PCDH15: variants seen among roughly 807,000 people sequenced by gnomAD.
The protein encoded by PCDH15 is protocadherin-15.
PCDH15 carries 129 observed loss-of-function variants against 178.5 expected under a neutral mutation model. That is an observed-to-expected ratio of 0.72 (90% CI 0.63 to 0.84). The LOEUF (loss-of-function observed/expected upper bound fraction) is 0.84, where lower values mean the gene tolerates loss of function less well. Among genes scored for constraint, PCDH15 ranks in the 40% least tolerant of loss-of-function variants. The pLI, the probability that PCDH15 is intolerant of heterozygous loss-of-function variation, is 0.00. For missense variants in PCDH15, 2,230 were observed against 2,099.9 expected (o/e 1.06, Z -1.21); for synonymous variants, 800 against 732.0 (o/e 1.09, Z -1.50).
chr10:55,006,938 G>A (rs1208316925), intron 2 of PCDH15, among the ~76,000 whole-genome samples: 3 of 152,060 alleles, frequency 2.0e-5, no homozygotes, highest in African/African-American at 7.2e-5. Context: ...GAATCATGGG[G>A]GAAGATCCTT....
chr10:55,049,939 C>T (rs1841116039), intron 2 of PCDH15, among the ~76,000 whole-genome samples: 1 of 151,842 alleles, frequency 6.6e-6, no homozygotes, highest in Non-Finnish European at 1.5e-5. Flanking sequence ...TCTATCACTC[C>T]CTTTGATTTT....
At chr10:54,409,258 C>T (rs1953133599) in intron 3 of PCDH15, among the ~76,000 whole-genome samples, 1 of 152,086 alleles carries the variant, frequency 6.6e-6, no homozygotes, top group African/African-American at 2.4e-5. Context: ...TGAAAATGGC[C>T]AAATATACTA....
In PCDH15 at chr10:54,020,212, T is replaced by C. The variant is rs887302573; in HGVS notation, c.2731A>G (p.Thr911Ala). ...CTTACCTTTACAATCACTGTGACAG[T>C]AGCAATACCAGGTGGCATTGTTCCA... is the stretch of plus-strand genomic sequence containing the variant. ...IYGTMPPGIA[T>A]VTVIVKDMND... Residue 911 changes from threonine (T) to alanine (A), a missense_variant, in exon 20 of 38, where the codon ACT (threonine) becomes GCT (alanine). Thr to Ala is a moderately conservative substitution (Grantham distance 58). Coordinates refer to ENST00000644397, the MANE Select transcript of PCDH15 (RefSeq NM_001384140.1). The C allele has an allele frequency of 2.5e-6, 4 of 1,613,332 alleles. No individual in the cohort carries two copies. The highest frequency in any genetic ancestry group is 2.7e-5 in the African/African-American group (2 of 74,872).
intron 18 of PCDH15, among the ~76,000 whole-genome samples, chr10:54,037,645 C>T (rs375868361): frequency 3.3e-5 from 5 of 151,908 alleles, no homozygotes; most frequent in Admixed American, 6.6e-5. Context: ...TTATGTGACT[C>T]GCTTTGTTGC....
Position 54,506,844 on chromosome 10 carries a change from T to C in PCDH15, c.157+20968A>G, listed in dbSNP as rs567896321. Reference sequence around the variant, plus strand: ...AATTTTCTGTGTTTATTCTATTGACTGTGTGAAGGTACCAGGACAGAATAA... The same window carrying C: ...AATTTTCTGTGTTTATTCTATTGACCGTGTGAAGGTACCAGGACAGAATAA... On this transcript the variant is annotated intron_variant, in intron 3 of 37. Transcript: ENST00000644397. Among the ~76,000 whole-genome samples, 9 of 152,166 alleles carry C rather than the reference T, an allele frequency of 5.9e-5. No homozygotes were observed. In the East Asian group the frequency reaches 1.7e-3, roughly 29 times the overall value.
intron 2 of PCDH15, among the ~76,000 whole-genome samples, chr10:55,396,959 C>A (rs997455759): frequency 1.3e-5 from 2 of 152,106 alleles, no homozygotes; most frequent in African/African-American, 4.8e-5. Context: ...CAGGCTGGCA[C>A]TGAAAAAGGT....
At chr10:54,303,332 C>T (rs1591685664) in intron 8 of PCDH15, among the ~76,000 whole-genome samples, 1 of 151,904 alleles carries the variant, frequency 6.6e-6, no homozygotes, top group Non-Finnish European at 1.5e-5. Flanking sequence ...TTTATATGTC[C>T]TAAGAGGGTT....
At chr10:54,057,817 G>A (rs7092576) in intron 18 of PCDH15, among the ~76,000 whole-genome samples, 91,971 of 151,920 alleles carry the variant, frequency 0.61, 28,032 homozygotes, top group Middle Eastern at 0.75. Context: ...TTCCTCTTGA[G>A]CACTTTGCCA....
intron 2 of PCDH15, among the ~76,000 whole-genome samples, chr10:55,448,968 T>C (rs1239058261): frequency 1.3e-5 from 2 of 152,076 alleles, no homozygotes; most frequent in African/African-American, 4.8e-5. Context: ...TCATCTTAAG[T>C]AGACAATCAT....
intron 3 of PCDH15, among the ~76,000 whole-genome samples, chr10:54,480,643 T>C (rs890954845): frequency 5.3e-5 from 8 of 152,166 alleles, no homozygotes; most frequent in Non-Finnish European, 8.8e-5. Flanking sequence ...TGAAAGTGGA[T>C]GCTCTTAGTT....
At chr10:55,578,057 A>G (rs911376675) in intron 2 of PCDH15, among the ~76,000 whole-genome samples, 2 of 152,122 alleles carry the variant, frequency 1.3e-5, no homozygotes, top group African/African-American at 4.8e-5. Context: ...TAACCTTAAG[A>G]ACCAAAACAG....
rs139608208 is a variant in PCDH15, at chr10:55,187,181, C to T, written c.-155-20530G>A. Among the ~76,000 whole-genome samples, 52 of 151,932 alleles carry T rather than the reference C, an allele frequency of 3.4e-4. 2 individuals are homozygous for T. In the East Asian group the frequency reaches 6.6e-3, roughly 19 times the overall value. ...CAAAGAGGAGATAAGTTCATACTCA[C>T]GTAATATTTCATTAAGAGCTTTAAA... On this transcript the variant is annotated intron_variant, in intron 1 of 5. Coordinates refer to the PCDH15 transcript ENST00000458638.
intron 2 of PCDH15, among the ~76,000 whole-genome samples, chr10:55,060,575 A>G (rs1447848265): frequency 6.6e-6 from 1 of 152,046 alleles, no homozygotes; most frequent in Non-Finnish European, 1.5e-5. Context: ...AGAAATATAT[A>G]GATAATTCAT....
At chr10:55,209,354 A>C (rs1840497565) in intron 1 of PCDH15, among the ~76,000 whole-genome samples, 1 of 152,122 alleles carries the variant, frequency 6.6e-6, no homozygotes, top group Non-Finnish European at 1.5e-5. Context: ...AGATGACTTG[A>C]AAATATGTAC....
intron 1 of PCDH15, among the ~76,000 whole-genome samples, chr10:55,176,980 A>G (rs535312846): frequency 4.6e-5 from 7 of 152,192 alleles, no homozygotes; most frequent in South Asian, 2.1e-4. Flanking sequence ...GACATTCTCC[A>G]TTGTGCCCCA....
chr10:54,619,719 C>A (rs2093295040), intron 2 of PCDH15, among the ~76,000 whole-genome samples: 1 of 152,052 alleles, frequency 6.6e-6, no homozygotes, highest in Non-Finnish European at 1.5e-5. Flanking sequence ...ACAAAATTAT[C>A]ATCTTTAATT....
At chr10:55,513,833 G>A (rs1051131959) in intron 2 of PCDH15, among the ~76,000 whole-genome samples, 2 of 151,958 alleles carry the variant, frequency 1.3e-5, no homozygotes, top group East Asian at 3.9e-4. Flanking sequence ...TACTTTATGA[G>A]AAGCTATCTT....
intron 5 of PCDH15, among the ~76,000 whole-genome samples, chr10:54,356,699 CA>C (rs1945038488): frequency 6.6e-6 from 1 of 151,074 alleles, no homozygotes; most frequent in Non-Finnish European, 1.5e-5. Flanking sequence ...AAAAAAAAAG[CA>C]AAAACTATCA....
intron 26 of PCDH15, among the ~76,000 whole-genome samples, chr10:53,893,543 C>A (rs1479188752): frequency 6.6e-6 from 1 of 152,106 alleles, no homozygotes; most frequent in Non-Finnish European, 1.5e-5. Flanking sequence ...CTGGAACTAG[C>A]CTAAATGCCC....
Sources: gnomAD v4.1 joint callset for allele counts (sites outside exome capture counted in the v4.1 genomes callset) on GRCh38, gnomAD v4.1.1 for gene constraint, MANE v1.5 for transcripts, NCBI Gene and HGNC (gene_info 2026-07-23, HGNC 2026-07-21) for gene names.